FOXO3: variants seen among roughly 807,000 people sequenced by gnomAD.
The protein encoded by FOXO3 is forkhead box protein O3.
In FOXO3, 4 loss-of-function variants were observed where a neutral mutation model predicts 41.9. That is an observed-to-expected ratio of 0.10 (90% CI 0.05 to 0.22). The LOEUF (loss-of-function observed/expected upper bound fraction) is 0.22, where lower values mean the gene tolerates loss of function less well. FOXO3 is among the 10% of genes least tolerant of loss of function. FOXO3 has a pLI of 1.00. For synonymous variants in FOXO3, 318 were observed against 389.3 expected (o/e 0.82, Z 2.16); for missense variants, 534 against 906.8 (o/e 0.59, Z 5.28).
chr6:108,649,863 C>T (rs1289910080), intron 1 of FOXO3, among the ~76,000 whole-genome samples: 2 of 152,110 alleles, frequency 1.3e-5, no homozygotes, highest in Admixed American at 1.3e-4. Flanking sequence ...TTGTGTGTTA[C>T]TTTGAACCTG....
At chr6:108,608,926 C>G in intron 1 of FOXO3, among the ~76,000 whole-genome samples, 1 of 152,152 alleles carries the variant, frequency 6.6e-6, no homozygotes, top group East Asian at 1.9e-4. Flanking sequence ...GTTGCTTAAG[C>G]AGTTAATGCT....
At chr6:108,572,529 A>G (rs1223291045) in intron 1 of FOXO3, among the ~76,000 whole-genome samples, 1 of 152,252 alleles carries the variant, frequency 6.6e-6, no homozygotes, top group Non-Finnish European at 1.5e-5. Flanking sequence ...CAGCAGCAGT[A>G]GCAGTAGATA....
At chr6:108,647,897 T>G (rs1778436746) in intron 1 of FOXO3, among the ~76,000 whole-genome samples, 1 of 152,202 alleles carries the variant, frequency 6.6e-6, no homozygotes, top group South Asian at 2.1e-4. Context: ...TCATCGTATG[T>G]GTTTGCTGTT....
intron 1 of FOXO3, among the ~76,000 whole-genome samples, chr6:108,571,441 C>T (rs1776095022): frequency 6.6e-6 from 1 of 152,050 alleles, no homozygotes; most frequent in Non-Finnish European, 1.5e-5. Context: ...GAATGGTGAC[C>T]TTATTGGGAA....
chr6:108,612,293 C>T (rs1316116907), intron 1 of FOXO3, among the ~76,000 whole-genome samples: 1 of 151,992 alleles, frequency 6.6e-6, no homozygotes, highest in Non-Finnish European at 1.5e-5. Context: ...GTGTATTGAC[C>T]TTAATGTTGT....
chr6:108,579,049 C>T (rs888301469), intron 1 of FOXO3, among the ~76,000 whole-genome samples: 1 of 152,156 alleles, frequency 6.6e-6, no homozygotes, highest in African/African-American at 2.4e-5. Flanking sequence ...GTGCAAAACA[C>T]AGTGGGTTGG....
chr6:108,663,802 C>T lies in FOXO3; in HGVS notation c.969C>T (p.Arg323=). 6.2e-7 allele frequency: 1 copy of T among 1,613,862 alleles called. No individual in the cohort carries two copies. Among genetic ancestry groups the T allele is most frequent in the Non-Finnish European group, 8.5e-7 (1 of 1,179,770 alleles). ...CTAACGCCAGCACAGTCAGTGGCCG[C>T]CTGTCGCCCATCATGGCAAGCACAG... The part of the protein sequence containing the change: ...TNSNASTVSG[R]LSPIMASTEL... Residue 323 remains arginine, a synonymous_variant, in exon 2 of 3, where the codon CGC becomes CGT. Transcript: ENST00000406360.
chr6:108,615,864 C>A (rs1240892677), intron 1 of FOXO3, among the ~76,000 whole-genome samples: 1 of 152,054 alleles, frequency 6.6e-6, no homozygotes, highest in Non-Finnish European at 1.5e-5. Context: ...TGCTGTTAAT[C>A]CCATCCAGTG....
intron 1 of FOXO3, among the ~76,000 whole-genome samples, chr6:108,656,135 C>CAAA (rs146161678): frequency 1.8e-5 from 2 of 110,624 alleles, no homozygotes; most frequent in East Asian, 5.0e-4. Flanking sequence ...CACCCCACCT[C>CAAA]AAAAAAAAAA....
At chr6:108,588,785 G>T (rs1174581660) in intron 1 of FOXO3, among the ~76,000 whole-genome samples, 2 of 152,188 alleles carry the variant, frequency 1.3e-5, no homozygotes, top group African/African-American at 2.4e-5. Context: ...CTCACTCCAA[G>T]CCTCAACAGG....
chr6:108,560,953 T>G lies in FOXO3; in HGVS notation c.-256T>G. The G allele has an allele frequency of 7.6e-7, 1 of 1,318,698 alleles. No homozygotes were observed. Among genetic ancestry groups the G allele is most frequent in the East Asian group, 3.1e-5 (1 of 31,898 alleles). The allele number at this position is 1,318,698 out of a possible 1,614,324, so 81.7% of individuals were successfully genotyped here. A position where few individuals can be genotyped will look rare whatever the true frequency, so the allele number is the denominator to read the frequency against. On this transcript the variant is annotated 5_prime_UTR_variant, in exon 1 of 3. Transcript: ENST00000406360. ...CGCCAGGTTCGCTGGCCGCACGTCT[T>G]CAGGTCCTCCTGTTCCTGGGAGGCG...
chr6:108,582,246 A>G (rs1477942914), intron 1 of FOXO3, among the ~76,000 whole-genome samples: 1 of 152,164 alleles, frequency 6.6e-6, no homozygotes, highest in African/African-American at 2.4e-5. Flanking sequence ...TCTAGGGACC[A>G]TCCTAAACAT....
chr6:108,595,729 C>T (rs1302177905), intron 1 of FOXO3, among the ~76,000 whole-genome samples: 1 of 152,194 alleles, frequency 6.6e-6, no homozygotes. Context: ...AAAATCTCCT[C>T]TCCTGTTTTA....
chr6:108,626,948 G>A (rs939777021), intron 1 of FOXO3, among the ~76,000 whole-genome samples: 1 of 152,202 alleles, frequency 6.6e-6, no homozygotes, highest in African/African-American at 2.4e-5. Context: ...TGTAGGGCAG[G>A]AGTGGTTGTA....
At chr6:108,632,677 A>C (rs189783391) in intron 1 of FOXO3, among the ~76,000 whole-genome samples, 13 of 152,292 alleles carry the variant, frequency 8.5e-5, no homozygotes, top group African/African-American at 2.6e-4. Context: ...CGTTTGAGCT[A>C]GTGATCTGCT....
chr6:108,619,148 A>C (rs1015983848), intron 1 of FOXO3, among the ~76,000 whole-genome samples: 1 of 152,254 alleles, frequency 6.6e-6, no homozygotes, highest in Non-Finnish European at 1.5e-5. Context: ...TGCCAATGCC[A>C]AAATCTGCTA....
chr6:108,615,611 T>C (rs1267274388), intron 1 of FOXO3, among the ~76,000 whole-genome samples: 1 of 151,838 alleles, frequency 6.6e-6, no homozygotes, highest in Non-Finnish European at 1.5e-5. Context: ...GTGTTTATAG[T>C]TTTTTATAAA....
intron 1 of FOXO3, among the ~76,000 whole-genome samples, chr6:108,592,216 G>T (rs1455118108): frequency 6.6e-6 from 1 of 152,172 alleles, no homozygotes; most frequent in Non-Finnish European, 1.5e-5. Context: ...GCTTACACTG[G>T]TGTAAATATA....
At chr6:108,569,441 C>T (rs1469886180) in intron 1 of FOXO3, among the ~76,000 whole-genome samples, 2 of 152,198 alleles carry the variant, frequency 1.3e-5, no homozygotes, top group South Asian at 4.1e-4. Flanking sequence ...ATGTACCACT[C>T]TTGGTAAAAC....
Sources: allele counts gnomAD v4.1 joint callset (sites outside exome capture counted in the v4.1 genomes callset), GRCh38; gene constraint gnomAD v4.1.1; transcripts MANE v1.5; gene names NCBI Gene and HGNC (gene_info 2026-07-23, HGNC 2026-07-21).